CSMD1: variants seen among roughly 807,000 people sequenced by gnomAD.
CSMD1 encodes the protein CUB and sushi domain-containing protein 1.
CSMD1 carries 213 observed loss-of-function variants against 417.5 expected under a neutral mutation model. The ratio of observed to expected loss-of-function variants is 0.51; its 90% CI spans 0.46 to 0.57. The LOEUF is 0.57. CSMD1 is among the 20% of genes least tolerant of loss of function. The pLI, the probability that CSMD1 is intolerant of heterozygous loss-of-function variation, is 0.00. For synonymous variants in CSMD1, 2,862 were observed against 1,736.8 expected, an observed-to-expected ratio of 1.65 and a Z score of -16.11; for missense variants, 6,923 against 4,529.7, an observed-to-expected ratio of 1.53 and a Z score of -15.17.
rs1450376447 is a variant in CSMD1, at chr8:3,139,193, G to C, written c.6241+3272C>G. Among the ~76,000 whole-genome samples, 2 of 152,158 alleles carry C rather than the reference G, an allele frequency of 1.3e-5. 1 individual carries two copies. Among genetic ancestry groups the C allele is most frequent in the South Asian group, 4.1e-4 (2 of 4,834 alleles). On this transcript the variant is annotated intron_variant, in intron 41 of 69. Coordinates refer to ENST00000635120, the MANE Select transcript of CSMD1 (RefSeq NM_033225.6). ...GTGTCCTGGCGCTTGCAGAAGACTT[G>C]AGCTGGAGGCACAGGCACAAGAGTT...
chr8:4,971,135 C>A (rs552561253), intron 1 of CSMD1, among the ~76,000 whole-genome samples: 1 of 151,984 alleles, frequency 6.6e-6, no homozygotes, highest in African/African-American at 2.4e-5. Flanking sequence ...AATCTGAACC[C>A]TGGGGTCCCT....
At chr8:3,581,839 T>C (rs1800395900) in intron 9 of CSMD1, among the ~76,000 whole-genome samples, 1 of 152,160 alleles carries the variant, frequency 6.6e-6, no homozygotes, top group Admixed American at 6.5e-5. Flanking sequence ...AGTTTTGCTC[T>C]TGTCACCCAG....
chr8:3,250,227 G>A (rs1800163988), intron 26 of CSMD1, among the ~76,000 whole-genome samples: 1 of 152,108 alleles, frequency 6.6e-6, no homozygotes, highest in African/African-American at 2.4e-5. Flanking sequence ...CCCCACAACA[G>A]GCCCCAGTGT....
intron 10 of CSMD1, among the ~76,000 whole-genome samples, chr8:3,536,441 C>G (rs1036048654): frequency 2.6e-5 from 4 of 152,164 alleles, no homozygotes; most frequent in African/African-American, 9.7e-5. Flanking sequence ...AGCAGGTTCA[C>G]CAATGGGCTG....
intron 10 of CSMD1, among the ~76,000 whole-genome samples, chr8:3,564,053 C>T (rs558024493): frequency 4.6e-5 from 7 of 152,168 alleles, no homozygotes; most frequent in South Asian, 2.1e-4. Context: ...TGGGGGTACA[C>T]GTGATATTTT....
intron 3 of CSMD1, among the ~76,000 whole-genome samples, chr8:4,398,640 C>CCT: frequency 6.6e-6 from 1 of 152,136 alleles, no homozygotes; most frequent in South Asian, 2.1e-4. Context: ...CCTGATCTGC[C>CCT]CCTCTTGGCC....
At chr8:4,592,785 G>C (rs748183243) in intron 2 of CSMD1, among the ~76,000 whole-genome samples, 6 of 152,126 alleles carry the variant, frequency 3.9e-5, no homozygotes, top group East Asian at 1.9e-4. Flanking sequence ...TTAAAATATT[G>C]TTTTCTAAAA....
chr8:3,953,079 G>C (rs189927348), intron 5 of CSMD1, among the ~76,000 whole-genome samples: 30 of 152,076 alleles, frequency 2.0e-4, no homozygotes, highest in African/African-American at 6.5e-4. Context: ...AACAGTATTT[G>C]TAAAGGAGAA....
At chr8:4,812,612 C>A (rs1038251237) in intron 1 of CSMD1, among the ~76,000 whole-genome samples, 8 of 151,530 alleles carry the variant, frequency 5.3e-5, no homozygotes, top group East Asian at 2.0e-4. Flanking sequence ...TTTAAAAAAA[C>A]CTACATACAA....
At chr8:3,631,718 G>C (rs924366971) in intron 7 of CSMD1, among the ~76,000 whole-genome samples, 1 of 152,176 alleles carries the variant, frequency 6.6e-6, no homozygotes, top group South Asian at 2.1e-4. Flanking sequence ...TACTGTTCGA[G>C]AAAAACTCTC....
At chr8:4,285,926 C>T (rs758476220) in intron 3 of CSMD1, among the ~76,000 whole-genome samples, 1 of 152,070 alleles carries the variant, frequency 6.6e-6, no homozygotes, top group Non-Finnish European at 1.5e-5. Context: ...CTGCACAAAC[C>T]TTTTAAGTGG....
At chr8:3,432,384 G>A (rs567753970) in intron 12 of CSMD1, among the ~76,000 whole-genome samples, 1 of 152,096 alleles carries the variant, frequency 6.6e-6, no homozygotes, top group African/African-American at 2.4e-5. Flanking sequence ...TACCACGACA[G>A]TTCCTGCTTA....
intron 3 of CSMD1, among the ~76,000 whole-genome samples, chr8:4,333,262 C>G (rs763156142): frequency 1.3e-5 from 2 of 152,038 alleles, no homozygotes; most frequent in African/African-American, 4.8e-5. Context: ...CTATTAAAGC[C>G]AATCCTGACG....
intron 5 of CSMD1, among the ~76,000 whole-genome samples, chr8:3,962,765 C>G (rs1181139261): frequency 6.6e-6 from 1 of 152,158 alleles, no homozygotes; most frequent in East Asian, 1.9e-4. Flanking sequence ...AGGCTGGCAT[C>G]TATGTTTCCA....
At chr8:4,113,765 A>G (rs546549412) in intron 3 of CSMD1, among the ~76,000 whole-genome samples, 1 of 152,296 alleles carries the variant, frequency 6.6e-6, no homozygotes, top group African/African-American at 2.4e-5. Context: ...GGTGAGATGG[A>G]GAAAGTTTTC....
chr8:4,818,400 A>G (rs1219907148), intron 1 of CSMD1, among the ~76,000 whole-genome samples: 1 of 152,198 alleles, frequency 6.6e-6, no homozygotes, highest in Non-Finnish European at 1.5e-5. Flanking sequence ...CTTGAACAAT[A>G]TAACATCGTT....
intron 10 of CSMD1, among the ~76,000 whole-genome samples, chr8:3,543,182 G>A (rs191623975): frequency 1.3e-5 from 2 of 152,324 alleles, no homozygotes; most frequent in South Asian, 2.1e-4. Flanking sequence ...AGGCATGCTT[G>A]ATGCTTTTGA....
intron 2 of CSMD1, among the ~76,000 whole-genome samples, chr8:4,429,075 C>G (rs2128945561): frequency 6.6e-6 from 1 of 151,888 alleles, no homozygotes; most frequent in South Asian, 2.1e-4. Flanking sequence ...TACAATGTCT[C>G]AGTATATATG....
At chr8:4,803,009 C>G (rs906087291) in intron 1 of CSMD1, among the ~76,000 whole-genome samples, 1 of 152,034 alleles carries the variant, frequency 6.6e-6, no homozygotes, top group Non-Finnish European at 1.5e-5. Flanking sequence ...AGTAAAGTCA[C>G]CAGATATCAT....
Sources: gnomAD v4.1 joint callset for allele counts (sites outside exome capture counted in the v4.1 genomes callset) on GRCh38, gnomAD v4.1.1 for gene constraint, MANE v1.5 for transcripts, NCBI Gene and HGNC (gene_info 2026-07-23, HGNC 2026-07-21) for gene names.